FHIT: variants seen among roughly 807,000 people sequenced by gnomAD.
FHIT encodes the protein bis(5'-adenosyl)-triphosphatase.
In FHIT, 19 loss-of-function variants were observed where a neutral mutation model predicts 17.9. The observed-to-expected ratio is 1.06, with a 90% CI of 0.74 to 1.56. The LOEUF is 1.56. FHIT is among the 40% of genes most tolerant of loss of function. FHIT has a pLI of 0.00. For synonymous variants in FHIT, 81 were observed against 69.7 expected (o/e 1.16, Z -0.81); for missense variants, 248 against 189.2 (o/e 1.31, Z -1.82).
At chr3:60,067,811 G>T (rs149049319) in intron 5 of FHIT, among the ~76,000 whole-genome samples, 5 of 152,294 alleles carry the variant, frequency 3.3e-5, no homozygotes, top group Admixed American at 3.3e-4. Context: ...AAACCAGCAC[G>T]TTCTTGTCGC....
chr3:61,139,569 T>C (rs145794474), intron 2 of FHIT, among the ~76,000 whole-genome samples: 1 of 137,032 alleles, frequency 7.3e-6, no homozygotes, highest in Non-Finnish European at 1.6e-5. Flanking sequence ...ACACTTATTG[T>C]AGTTTTTTGC....
intron 5 of FHIT, among the ~76,000 whole-genome samples, chr3:60,187,406 T>G (rs1284825093): frequency 6.6e-6 from 1 of 152,172 alleles, no homozygotes; most frequent in Admixed American, 6.5e-5. Flanking sequence ...GTTTTTAAAT[T>G]AGGCCATGGA....
intron 5 of FHIT, among the ~76,000 whole-genome samples, chr3:60,091,648 T>C (rs1576078767): frequency 6.6e-6 from 1 of 152,180 alleles, no homozygotes; most frequent in African/African-American, 2.4e-5. Context: ...GATTTGATCA[T>C]GGGGGCGGTT....
chr3:60,396,762 G>A (rs1395334019), intron 5 of FHIT, among the ~76,000 whole-genome samples: 1 of 152,092 alleles, frequency 6.6e-6, no homozygotes, highest in African/African-American at 2.4e-5. Context: ...TAACAGAATT[G>A]TTCACTTAAA....
chr3:59,938,835 T>C (rs1008159540), intron 7 of FHIT, among the ~76,000 whole-genome samples: 3 of 152,138 alleles, frequency 2.0e-5, no homozygotes, highest in Admixed American at 1.3e-4. Context: ...AGCTCTGATT[T>C]GATAGCTTAA....
intron 2 of FHIT, among the ~76,000 whole-genome samples, chr3:61,070,479 G>T (rs13068378): frequency 1.3e-5 from 2 of 152,012 alleles, no homozygotes; most frequent in South Asian, 4.1e-4. Context: ...CCGTGGAAAT[G>T]GACAGACTTG....
At chr3:59,971,527 T>C (rs867837695) in intron 7 of FHIT, among the ~76,000 whole-genome samples, 8 of 152,226 alleles carry the variant, frequency 5.3e-5, no homozygotes, top group Admixed American at 3.3e-4. Flanking sequence ...CCATAATCAA[T>C]TGAAGAATTT....
intron 3 of FHIT, among the ~76,000 whole-genome samples, chr3:60,963,556 T>C (rs1553781938): frequency 6.6e-6 from 1 of 152,232 alleles, no homozygotes; most frequent in Non-Finnish European, 1.5e-5. Context: ...TGCTTTCTCC[T>C]GTGGGCATTT....
intron 3 of FHIT, among the ~76,000 whole-genome samples, chr3:60,903,389 T>A (rs1706222306): frequency 6.6e-6 from 1 of 152,256 alleles, no homozygotes; most frequent in Non-Finnish European, 1.5e-5. Flanking sequence ...TAAACCCATT[T>A]TTGATTAGGC....
intron 3 of FHIT, among the ~76,000 whole-genome samples, chr3:60,878,543 A>G (rs1704787240): frequency 6.6e-6 from 1 of 151,172 alleles, no homozygotes; most frequent in African/African-American, 2.5e-5. Context: ...CACAATGTGC[A>G]GGTTTATTAC....
At chr3:60,595,491 GTA>G (rs1428656932) in intron 4 of FHIT, among the ~76,000 whole-genome samples, 2 of 140,636 alleles carry the variant, frequency 1.4e-5, no homozygotes, top group African/African-American at 5.4e-5. Context: ...ATATAAATAT[GTA>G]TATATGTGTG....
chr3:60,577,968 G>T (rs1329618313), intron 4 of FHIT, among the ~76,000 whole-genome samples: 1 of 152,068 alleles, frequency 6.6e-6, no homozygotes, highest in Non-Finnish European at 1.5e-5. Context: ...AGTTCCTAAA[G>T]CCCTAAGACT....
intron 5 of FHIT, among the ~76,000 whole-genome samples, chr3:60,228,135 T>C (rs17062536): frequency 1.1e-4 from 17 of 152,306 alleles, no homozygotes; most frequent in East Asian, 9.6e-4. Flanking sequence ...CTTTTAATTT[T>C]TGAACTCCCA....
intron 4 of FHIT, among the ~76,000 whole-genome samples, chr3:60,623,145 A>G (rs1240854878): frequency 6.6e-6 from 1 of 152,212 alleles, no homozygotes; most frequent in Non-Finnish European, 1.5e-5. Flanking sequence ...CGTAACAAGT[A>G]ATCACTAGTC....
In FHIT at chr3:61,085,176, C is replaced by T. The variant is rs2035267093; in HGVS notation, c.-163-43077G>A. Among the ~76,000 whole-genome samples, 9 of 152,132 alleles carry T rather than the reference C, an allele frequency of 5.9e-5. No individual in the cohort carries two copies. The South Asian group carries it at 1.9e-3, about 32-fold the overall frequency. On this transcript the variant is annotated intron_variant, in intron 2 of 9. Coordinates refer to ENST00000492590, the MANE Select transcript of FHIT (RefSeq NM_002012.4). The stretch of plus-strand genomic sequence containing the variant: ...ATTTCAAGACCTTGAAGTGGAATTG[C>T]TAAGTCTTATGGTAAGTACATGTTT...
chr3:60,091,204 T>C (rs530290461), intron 5 of FHIT, among the ~76,000 whole-genome samples: 2 of 152,316 alleles, frequency 1.3e-5, no homozygotes, highest in African/African-American at 2.4e-5. Context: ...TGAACAGTTT[T>C]ATTCTTAAGA....
chr3:60,931,569 C>A (rs1267381420), intron 3 of FHIT, among the ~76,000 whole-genome samples: 1 of 149,468 alleles, frequency 6.7e-6, no homozygotes, highest in African/African-American at 2.4e-5. Flanking sequence ...GCGGTCAAAT[C>A]GCCTCAGAAG....
intron 5 of FHIT, among the ~76,000 whole-genome samples, chr3:60,257,562 A>G (rs903078511): frequency 2.2e-4 from 33 of 152,126 alleles, no homozygotes; most frequent in African/African-American, 8.0e-4. Flanking sequence ...TGCTTCTCAA[A>G]CATTTCACAG....
At chr3:60,517,790 C>A (rs2035216685) in intron 5 of FHIT, among the ~76,000 whole-genome samples, 1 of 152,114 alleles carries the variant, frequency 6.6e-6, no homozygotes, top group African/African-American at 2.4e-5. Flanking sequence ...ACATGTGAAA[C>A]TAGCAATTAA....
Sources: allele counts gnomAD v4.1 joint callset (sites outside exome capture counted in the v4.1 genomes callset), GRCh38; gene constraint gnomAD v4.1.1; transcripts MANE v1.5; gene names NCBI Gene and HGNC (gene_info 2026-07-23, HGNC 2026-07-21).